Variants in SYTL5 observed in about 807,000 individuals in gnomAD.
SYTL5 encodes the protein synaptotagmin-like protein 5.
SYTL5 carries 34 observed loss-of-function variants against 55.9 expected under a neutral mutation model. That is an observed-to-expected ratio of 0.61 (90% CI 0.46 to 0.81). The LOEUF is 0.81. SYTL5 is among the 30% of genes least tolerant of loss of function. SYTL5 has a pLI of 0.00. For synonymous variants in SYTL5, 221 were observed against 188.7 expected, an observed-to-expected ratio of 1.17 and a Z score of -1.40; for missense variants, 637 against 546.7, an observed-to-expected ratio of 1.17 and a Z score of -1.65.
At chrX:38,068,098 C>T (rs753729061) in intron 3 of SYTL5, among the ~76,000 whole-genome samples, 1 of 111,437 alleles carries the variant, frequency 9.0e-6, no homozygotes, top group Non-Finnish European at 1.9e-5. Context: ...CAAATAATCC[C>T]ATTTAAAAGT....
At chrX:37,919,283 A>C in the SYTL5 span, among the ~76,000 whole-genome samples, 1 of 111,592 alleles carries the variant, frequency 9.0e-6, no homozygotes, top group Non-Finnish European at 1.9e-5. Flanking sequence ...GCATTTGGCA[A>C]AGTGAGTAGC....
chrX:38,106,668 C>T lies in SYTL5; in HGVS notation c.1231C>T (p.Leu411Phe), dbSNP rs760066686. ...YGNVKVSGEI[L>F]LHISYCYKTG... Reference sequence around the variant, plus strand: ...CAACGTGAAAGTCAGTGGTGAAATCCTTCTCCATATCAGCTACTGCTACAA... The same window carrying T: ...CAACGTGAAAGTCAGTGGTGAAATCTTTCTCCATATCAGCTACTGCTACAA... The change falls in exon 11 of 17, where the codon CTT becomes TTT. Residue 411 changes from leucine to phenylalanine, a missense_variant. Transcript: ENST00000297875. The T allele has an allele frequency of 2.5e-6, 3 of 1,208,439 alleles. No individual in the cohort carries two copies. The highest frequency in any genetic ancestry group is 3.4e-6 in the Non-Finnish European group (3 of 893,522).
At chrX:38,023,292 T>C (rs1174908689) in intron 1 of SYTL5, among the ~76,000 whole-genome samples, 1 of 112,190 alleles carries the variant, frequency 8.9e-6, no homozygotes, top group Non-Finnish European at 1.9e-5. Flanking sequence ...AGCCTCTTTC[T>C]TTCTTTGGCT....
chrX:37,977,064 T>A, the SYTL5 span, among the ~76,000 whole-genome samples: 31 of 111,651 alleles, frequency 2.8e-4, no homozygotes, highest in East Asian at 7.5e-3. Context: ...TTTGAAAAAA[T>A]TATTTATTTA....
At chrX:38,045,836 A>C (rs1331400800) in intron 2 of SYTL5, among the ~76,000 whole-genome samples, 4 of 112,018 alleles carry the variant, frequency 3.6e-5, no homozygotes, top group Non-Finnish European at 7.5e-5. Context: ...TTGTTGAAGA[A>C]TGACTCTCTT....
At chrX:37,967,788 A>G in the SYTL5 span, among the ~76,000 whole-genome samples, 1,106 of 109,659 alleles carry the variant, frequency 0.01, 13 homozygotes, top group African/African-American at 0.035. Flanking sequence ...TTAATTTCCA[A>G]TAACCTGTGT....
intron 1 of SYTL5, among the ~76,000 whole-genome samples, chrX:38,020,039 C>T (rs913474158): frequency 1.8e-5 from 2 of 110,823 alleles, no homozygotes; most frequent in African/African-American, 3.3e-5. Context: ...TTCTTCAGAC[C>T]GAACATGTCT....
At chrX:37,928,281 T>G in the SYTL5 span, among the ~76,000 whole-genome samples, 1 of 111,774 alleles carries the variant, frequency 8.9e-6, no homozygotes, top group Non-Finnish European at 1.9e-5. Context: ...ACATTCAACC[T>G]AACTAGTCCC....
the SYTL5 span, among the ~76,000 whole-genome samples, chrX:37,896,635 TAGAAGAA>T: frequency 7.2e-5 from 8 of 111,669 alleles, no homozygotes; most frequent in Non-Finnish European, 1.5e-4. Context: ...GAATGCTGCA[TAGAAGAA>T]AACAGAGGTC....
intron 3 of SYTL5, among the ~76,000 whole-genome samples, chrX:38,059,226 G>A (rs1935872520): frequency 9.0e-6 from 1 of 111,638 alleles, no homozygotes. Context: ...ATGTTAAAAT[G>A]TATAAATTAT....
intron 3 of SYTL5, among the ~76,000 whole-genome samples, chrX:38,056,428 G>C (rs1262004954): frequency 1.8e-5 from 2 of 111,744 alleles, no homozygotes; most frequent in Non-Finnish European, 3.8e-5. Flanking sequence ...AGTAAACATG[G>C]GAGTGCAGAT....
chrX:37,897,413 G>A, the SYTL5 span, among the ~76,000 whole-genome samples: 2 of 105,675 alleles, frequency 1.9e-5, no homozygotes, highest in East Asian at 6.0e-4. Flanking sequence ...AATCCGGGAA[G>A]CAGAGGTTGC....
At chrX:38,050,045 C>G (rs982602187) in intron 2 of SYTL5, among the ~76,000 whole-genome samples, 6 of 111,918 alleles carry the variant, frequency 5.4e-5, no homozygotes, top group Admixed American at 3.8e-4. Flanking sequence ...ACTGTGTAAT[C>G]CTTGCTTGCT....
the SYTL5 span, among the ~76,000 whole-genome samples, chrX:37,917,897 A>G: frequency 2.7e-5 from 3 of 112,056 alleles, no homozygotes; most frequent in Non-Finnish European, 5.6e-5. Context: ...TAATTCAGTT[A>G]CTACATTTGC....
chrX:37,946,804 T>C, the SYTL5 span: 1 of 113,601 alleles, frequency 8.8e-6, no homozygotes, highest in Admixed American at 9.4e-5. Flanking sequence ...TCTGAAGATA[T>C]ACATTTTCCT....
At position 38,022,683 on chromosome X, in the gene SYTL5, G is replaced by A. The variant is rs756632250; in HGVS notation, c.-356-10851G>A. 1.1e-4 allele frequency among the ~76,000 whole-genome samples: 12 copies of A among 112,168 alleles called. No individual in the cohort carries two copies. In the East Asian group the frequency reaches 2.8e-3, roughly 26 times the overall value. ...ATCTCTTTATCTCAAGACCTTTCAC[G>A]TAATCACATCTGCAAAGTTTTGCCA... On this transcript the variant is annotated intron_variant, in intron 1 of 16. Coordinates refer to ENST00000297875, the MANE Select transcript of SYTL5 (RefSeq NM_138780.3).
chrX:38,003,500 CT>C (rs2147269461), upstream of SYTL5, among the ~76,000 whole-genome samples: 1 of 111,351 alleles, frequency 9.0e-6, no homozygotes, highest in African/African-American at 3.3e-5. Context: ...AATAAAATAC[CT>C]AGGAATCCAA....
chrX:38,062,037 G>A (rs982538635), intron 3 of SYTL5, among the ~76,000 whole-genome samples: 5 of 109,873 alleles, frequency 4.6e-5, no homozygotes, highest in Non-Finnish European at 9.5e-5. Context: ...GCGCAATCTC[G>A]ACTCACTACA....
intron 1 of SYTL5, among the ~76,000 whole-genome samples, chrX:38,025,368 G>A (rs535670398): frequency 8.1e-5 from 9 of 111,489 alleles, no homozygotes; most frequent in African/African-American, 1.6e-4. Context: ...TTCAAATATC[G>A]GCCCCTATTA....
Sources: allele counts gnomAD v4.1 joint callset (sites outside exome capture counted in the v4.1 genomes callset), GRCh38; gene constraint gnomAD v4.1.1; transcripts MANE v1.5; gene names NCBI Gene and HGNC (gene_info 2026-07-23, HGNC 2026-07-21).